Variants in GIGYF2 observed in about 807,000 individuals in gnomAD.
GIGYF2 encodes the protein GRB10-interacting GYF protein 2.
Under a neutral mutation model 208.1 loss-of-function variants are expected in GIGYF2, and 25 were observed. That is an observed-to-expected ratio of 0.12 (90% CI 0.09 to 0.17). GIGYF2 has a LOEUF of 0.17. Ranked by LOEUF, GIGYF2 falls within the 10% of genes least tolerant of loss-of-function variation. The probability of loss-of-function intolerance (pLI) is 1.00; values close to 1 mark genes in which losing one functional copy is unlikely to be tolerated. For synonymous variants in GIGYF2, 534 were observed against 543.8 expected (o/e 0.98, Z 0.25); for missense variants, 1,302 against 1,579.4 (o/e 0.82, Z 2.98).
At chr2:232,836,565 CA>C (rs554171454) in intron 22 of GIGYF2, among the ~76,000 whole-genome samples, 12,236 of 55,918 alleles carry the variant, frequency 0.22, 827 homozygotes, top group African/African-American at 0.36. Context: ...GACCCTGTCT[CA>C]AAAAAAAAAA....
In GIGYF2 at chr2:232,706,372, C is replaced by T. The variant is rs549003753; in HGVS notation, c.-44+2883C>T. Among the ~76,000 whole-genome samples, 4 of 152,290 alleles carry T rather than the reference C, an allele frequency of 2.6e-5. No homozygotes were observed. The South Asian group carries it at 6.2e-4, about 24-fold the overall frequency. On this transcript the variant is annotated intron_variant, in intron 2 of 28. Coordinates refer to ENST00000373563, the MANE Select transcript of GIGYF2 (RefSeq NM_001103146.3). ...TAAAATTGTCATGGGCTGAGCACAG[C>T]GTGGCTTACATCCGTAATCCCAGCA...
intron 2 of GIGYF2, among the ~76,000 whole-genome samples, chr2:232,733,335 G>GT (rs1697589012): frequency 6.6e-6 from 1 of 152,170 alleles, no homozygotes; most frequent in Admixed American, 6.5e-5. Context: ...CTTTTGTGTG[G>GT]TGGGGGAGCA....
chr2:232,845,807 A>G lies in GIGYF2; in HGVS notation c.3381A>G (p.Gly1127=). The change falls in exon 26 of 29, where the codon GGA becomes GGG. Residue 1127 remains glycine, a synonymous_variant. Transcript: ENST00000373563. ...AAAAGTTGCTGAAGCTCTTTCAGGGAGTAAATAAAGCCCAAGATGGATTTA... is the reference window on the plus strand; with the variant it reads ...AAAAGTTGCTGAAGCTCTTTCAGGGGGTAAATAAAGCCCAAGATGGATTTA... ...EEEKLLKLFQ[G]VNKAQDGFTQ... is the part of the protein sequence containing the mutation. 1 of 1,613,510 alleles carries G rather than the reference A, an allele frequency of 6.2e-7. No homozygotes were observed. Among genetic ancestry groups the G allele is most frequent in the Non-Finnish European group, 8.5e-7 (1 of 1,179,388 alleles).
intron 2 of GIGYF2, among the ~76,000 whole-genome samples, chr2:232,722,234 G>T (rs1056974565): frequency 1.3e-5 from 2 of 152,174 alleles, no homozygotes; most frequent in African/African-American, 4.8e-5. Flanking sequence ...ATGAAAGAAA[G>T]AGGTTTAATT....
intron 2 of GIGYF2, among the ~76,000 whole-genome samples, chr2:232,714,416 T>C (rs1446941871): frequency 6.6e-6 from 1 of 152,182 alleles, no homozygotes; most frequent in Non-Finnish European, 1.5e-5. Flanking sequence ...AAGAAGGTAA[T>C]TTAACATAAA....
intron 3 of GIGYF2, among the ~76,000 whole-genome samples, chr2:232,737,775 A>G (rs1283559164): frequency 6.6e-6 from 1 of 151,792 alleles, no homozygotes; most frequent in Non-Finnish European, 1.5e-5. Context: ...CATTTTTGTG[A>G]ATAATGTAAA....
chr2:232,754,202 AT>A (rs147027549), intron 5 of GIGYF2, among the ~76,000 whole-genome samples: 47,627 of 149,452 alleles, frequency 0.32, 7,891 homozygotes, highest in South Asian at 0.62. Context: ...GAGTTGTTTC[AT>A]TTTTTTTTTA....
chr2:232,752,240 AC>A, intron 5 of GIGYF2, among the ~76,000 whole-genome samples: 1 of 152,296 alleles, frequency 6.6e-6, no homozygotes. Context: ...ATGATCAGGT[AC>A]CCCTTCAGAG....
chr2:232,799,118 T>C (rs1469711475), intron 14 of GIGYF2, among the ~76,000 whole-genome samples: 1 of 152,164 alleles, frequency 6.6e-6, no homozygotes, highest in East Asian at 1.9e-4. Context: ...GTTCATGTTG[T>C]AGCATGTGTC....
chr2:232,741,566 C>T (rs1229751252), intron 3 of GIGYF2, among the ~76,000 whole-genome samples: 1 of 152,056 alleles, frequency 6.6e-6, no homozygotes, highest in African/African-American at 2.4e-5. Flanking sequence ...CTTCAGGCTC[C>T]CAAGTAGCTG....
At chr2:232,816,766 A>G (rs1000096682) in intron 19 of GIGYF2, 105 bp from the exon 20 acceptor site, 6 of 840,612 alleles carry the variant, frequency 7.1e-6, no homozygotes, top group Non-Finnish European at 1.2e-5. Context: ...GCAGTGCAGT[A>G]CGGTACAAGC....
At chr2:232,712,139 C>G (rs1574777171) in intron 2 of GIGYF2, among the ~76,000 whole-genome samples, 1 of 152,028 alleles carries the variant, frequency 6.6e-6, no homozygotes, top group Middle Eastern at 3.4e-3. Context: ...AACAGGTACT[C>G]TGAATTGTTT....
At chr2:232,779,456 T>C (rs192160756) in intron 8 of GIGYF2, among the ~76,000 whole-genome samples, 1 of 152,308 alleles carries the variant, frequency 6.6e-6, no homozygotes, top group East Asian at 1.9e-4. Context: ...TGGAGTGCGA[T>C]TTCTGGCCTA....
chr2:232,780,173 G>A (rs537407189), intron 8 of GIGYF2, among the ~76,000 whole-genome samples: 8 of 152,256 alleles, frequency 5.3e-5, no homozygotes, highest in South Asian at 2.1e-4. Flanking sequence ...ATTTTTGGCC[G>A]TGGGTCAAAC....
chr2:232,824,638 A>G (rs186968570), intron 21 of GIGYF2, among the ~76,000 whole-genome samples: 296 of 152,358 alleles, frequency 1.9e-3, no homozygotes, highest in African/African-American at 6.8e-3. Flanking sequence ...AAATAAAAGC[A>G]CAAGGTGAAG....
chr2:232,858,258 A>C lies in GIGYF2; in HGVS notation c.*1398A>C, dbSNP rs1690646525. The C allele has an allele frequency of 2.6e-5, 9 of 343,646 alleles. No individual in the cohort carries two copies. The highest frequency in any genetic ancestry group is 2.1e-4 in the South Asian group (9 of 42,072). 21.3% of individuals were successfully genotyped at this position (343,646 alleles called of 1,614,324 possible). A position where few individuals can be genotyped will look rare whatever the true frequency, so the allele number is the denominator to read the frequency against. Reference sequence around the variant, plus strand: ...TGGAAAAGCACCTTTGCTGCCTGTCATTGTTGCCTGAAGAAGGCTGGAGTT... The same window carrying C: ...TGGAAAAGCACCTTTGCTGCCTGTCCTTGTTGCCTGAAGAAGGCTGGAGTT... On this transcript the variant is annotated 3_prime_UTR_variant, in exon 29 of 29. Coordinates refer to ENST00000373563, the MANE Select transcript of GIGYF2 (RefSeq NM_001103146.3).
At chr2:232,758,864 G>A (rs951948033) in intron 6 of GIGYF2, among the ~76,000 whole-genome samples, 3 of 152,086 alleles carry the variant, frequency 2.0e-5, no homozygotes, top group Non-Finnish European at 2.9e-5. Context: ...GAGGACATGC[G>A]TTATATGACA....
At chr2:232,760,454 AT>A in intron 6 of GIGYF2, 25 bp from the exon 7 acceptor site, 3 of 1,462,536 alleles carry the variant, frequency 2.1e-6, no homozygotes, top group Non-Finnish European at 2.9e-6. Flanking sequence ...TCTGACTATC[AT>A]TTTTTTCTGT....
Position 232,727,073 on chromosome 2 carries a change from T to C in GIGYF2, c.-43-8082T>C, listed in dbSNP as rs112912119. Among the ~76,000 whole-genome samples, 874 of 152,288 alleles carry C rather than the reference T, an allele frequency of 5.7e-3. 3 individuals are homozygous for C. Among genetic ancestry groups the C allele is most frequent in the African/African-American group, 0.02 (833 of 41,560 alleles). ...TCTGCCTCCAGGGATCAAATGATTC[T>C]CATGCCTCAGCTTCCTGAGTAACTG... On this transcript the variant is annotated intron_variant, in intron 2 of 28. Coordinates refer to ENST00000373563, the MANE Select transcript of GIGYF2 (RefSeq NM_001103146.3).
Sources: gnomAD v4.1 joint callset for allele counts (sites outside exome capture counted in the v4.1 genomes callset) on GRCh38, gnomAD v4.1.1 for gene constraint, MANE v1.5 for transcripts, NCBI Gene and HGNC (gene_info 2026-07-23, HGNC 2026-07-21) for gene names.